Variants in MAP3K13 observed in about 807,000 individuals in gnomAD.
MAP3K13 encodes mitogen-activated protein kinase kinase kinase 13.
A neutral mutation model predicts 104.0 loss-of-function variants in MAP3K13; 52 were observed. The observed-to-expected ratio is 0.50, with a 90% confidence interval of 0.40 to 0.63. The LOEUF (loss-of-function observed/expected upper bound fraction) is 0.63. MAP3K13 is among the 20% of genes least tolerant of loss of function. The pLI is 0.00. For missense variants in MAP3K13, 914 were observed against 1,218.5 expected, an observed-to-expected ratio of 0.75 and a Z score of 3.72; for synonymous variants, 394 against 442.2, an observed-to-expected ratio of 0.89 and a Z score of 1.37.
chr3:185,326,620 G>A (rs1347950071), intron 2 of MAP3K13, among the ~76,000 whole-genome samples: 3 of 152,032 alleles, frequency 2.0e-5, no homozygotes, highest in African/African-American at 7.2e-5. Flanking sequence ...ACCCAGAGAG[G>A]TTAAGCAAAT....
At chr3:185,452,928 A>T (rs1345789224) in intron 7 of MAP3K13, among the ~76,000 whole-genome samples, 1 of 152,178 alleles carries the variant, frequency 6.6e-6, no homozygotes, top group East Asian at 1.9e-4. Context: ...AGGCCAACCC[A>T]GATTCTCGGG....
Position 185,480,311 on chromosome 3 carries a change from G to T in MAP3K13, c.2581G>T (p.Gly861Ter). The change falls in exon 13 of 14, where the codon GGA becomes TGA. Residue 861 changes from glycine to a stop codon, truncating the protein, a stop_gained. Coordinates refer to ENST00000265026, the MANE Select transcript of MAP3K13 (RefSeq NM_004721.5). LOFTEE classifies it high-confidence loss of function. Reference sequence around the variant, plus strand: ...TTTCTCTGTGTCTGATGGAGAAGAGGGAAATACCAGTGACCACTCAAACAG... The same window carrying T: ...TTTCTCTGTGTCTGATGGAGAAGAGTGAAATACCAGTGACCACTCAAACAG... The part of the protein sequence containing the change: ...ENFSVSDGEE[G>*]NTSDHSNSPD... The T allele has an allele frequency of 6.2e-7, 1 of 1,614,204 alleles. No homozygotes were observed. The highest frequency in any genetic ancestry group is 8.5e-7 in the Non-Finnish European group (1 of 1,180,038).
At chr3:185,442,116 G>C (rs1310312264) in intron 3 of MAP3K13, among the ~76,000 whole-genome samples, 1 of 151,424 alleles carries the variant, frequency 6.6e-6, no homozygotes, top group Non-Finnish European at 1.5e-5. Context: ...TGAGACAGGA[G>C]AATCACTTGA....
chr3:185,313,504 C>A (rs1208567819), intron 2 of MAP3K13, among the ~76,000 whole-genome samples: 1 of 151,836 alleles, frequency 6.6e-6, no homozygotes, highest in Non-Finnish European at 1.5e-5. Context: ...GTCTTCACCT[C>A]GTGATCTGCC....
rs538715226 is a variant in MAP3K13, at chr3:185,424,514, C to G, written c.-85-3983C>G. Among the ~76,000 whole-genome samples the G allele has an allele frequency of 1.1e-4, 17 of 152,282 alleles. No individual in the cohort carries two copies. The South Asian group carries it at 2.1e-3, about 19-fold the overall frequency. ...TATTACAAGGATTATGGTGCTGGAG[C>G]TGGCTTATACACCAGCTTTTAAGAG... On this transcript the variant is annotated intron_variant, in intron 1 of 13. Transcript: ENST00000265026.
intron 7 of MAP3K13, among the ~76,000 whole-genome samples, chr3:185,454,896 GATATATATATGATATATATATGAGAT>G (rs1560117827): frequency 1.2e-4 from 6 of 50,770 alleles, no homozygotes; most frequent in East Asian, 1.3e-3. Flanking sequence ...ATATATATGA[GATATATATATGATATATATATGAGAT>G]ATATATATGA....
intron 2 of MAP3K13, chr3:185,292,888 A>G (rs896007886): frequency 6.1e-6 from 6 of 983,712 alleles, no homozygotes; most frequent in African/African-American, 1.7e-5. Context: ...ATTATAACAT[A>G]TTAGTGATTT....
intron 1 of MAP3K13, among the ~76,000 whole-genome samples, chr3:185,387,630 T>C (rs1440775936): frequency 6.6e-6 from 1 of 151,990 alleles, no homozygotes; most frequent in East Asian, 1.9e-4. Context: ...CCCTTCATGA[T>C]CAAAAACTTT....
chr3:185,345,360 C>T (rs1488194840), intron 2 of MAP3K13, among the ~76,000 whole-genome samples: 1 of 152,192 alleles, frequency 6.6e-6, no homozygotes, highest in Non-Finnish European at 1.5e-5. Context: ...AGTGAAAAGA[C>T]ACACTATCTA....
chr3:185,344,602 C>CT (rs1329674558), intron 2 of MAP3K13, among the ~76,000 whole-genome samples: 8 of 152,218 alleles, frequency 5.3e-5, no homozygotes, highest in Non-Finnish European at 1.2e-4. Flanking sequence ...TTCCGCCCCC[C>CT]TTATCAGCCT....
In MAP3K13 at chr3:185,435,031, T is replaced by A. The variant is rs181137217; in HGVS notation, c.476-2416T>A. ...TTGTTGTTGTTGTTTTGAGACAGAG[T>A]TTCGCTCTGTCACCCAGGCTGGAGT... On this transcript the variant is annotated intron_variant, in intron 2 of 13. Coordinates refer to ENST00000265026, the MANE Select transcript of MAP3K13 (RefSeq NM_004721.5). Among the ~76,000 whole-genome samples, 575 of 152,074 alleles carry A rather than the reference T, an allele frequency of 3.8e-3. 4 individuals carry two copies. Among genetic ancestry groups the A allele is most frequent in the African/African-American group, 0.013 (530 of 41,480 alleles).
chr3:185,292,016 G>A, intron 2 of MAP3K13: 8 of 1,002,282 alleles, frequency 8.0e-6, no homozygotes, highest in Non-Finnish European at 9.5e-6. Context: ...AAAAAGTTGA[G>A]TTAACAGGCT....
intron 12 of MAP3K13, 26 bp downstream of exon 12, chr3:185,477,422 G>A: frequency 6.4e-7 from 1 of 1,572,306 alleles, no homozygotes; most frequent in South Asian, 1.1e-5. Context: ...GCACACGATT[G>A]CTTTTAGTGG....
chr3:185,291,903 C>CAAAAAAA, intron 2 of MAP3K13: 1 of 909,472 alleles, frequency 1.1e-6, no homozygotes, highest in Non-Finnish European at 1.3e-6. Context: ...CAGTGCTTTC[C>CAAAAAAA]AAAAAAAAAA....
chr3:185,368,731 C>T (rs968289545), intron 1 of MAP3K13, among the ~76,000 whole-genome samples: 2 of 152,048 alleles, frequency 1.3e-5, no homozygotes, highest in Non-Finnish European at 2.9e-5. Flanking sequence ...CCAAGGCAGG[C>T]GGATCACCTG....
At chr3:185,284,440 G>C (rs1215052241) in intron 1 of MAP3K13, among the ~76,000 whole-genome samples, 1 of 152,202 alleles carries the variant, frequency 6.6e-6, no homozygotes, top group East Asian at 1.9e-4. Context: ...GTGGGGCCGG[G>C]CACGGTGGCT....
At chr3:185,363,714 G>T (rs1467747447) in intron 1 of MAP3K13, among the ~76,000 whole-genome samples, 1 of 152,260 alleles carries the variant, frequency 6.6e-6, no homozygotes. Context: ...ACACCAGAAA[G>T]GTGCTGAGAA....
chr3:185,417,374 T>G, intron 1 of MAP3K13: 2 of 1,046,358 alleles, frequency 1.9e-6, no homozygotes, highest in Non-Finnish European at 2.7e-6. Context: ...AAAACACTGA[T>G]ATATGTTCTT....
chr3:185,428,148 T>C (rs1015038342), intron 1 of MAP3K13, among the ~76,000 whole-genome samples: 1 of 151,914 alleles, frequency 6.6e-6, no homozygotes, highest in East Asian at 1.9e-4. Flanking sequence ...CACAACAATA[T>C]AAACCTCCCC....
Sources: allele counts gnomAD v4.1 joint callset (sites outside exome capture counted in the v4.1 genomes callset), GRCh38; gene constraint gnomAD v4.1.1; transcripts MANE v1.5; gene names NCBI Gene and HGNC (gene_info 2026-07-23, HGNC 2026-07-21).